Variants in NEB observed in about 807,000 individuals in gnomAD.
NEB encodes nebulin.
In NEB, 512 loss-of-function variants were observed where a neutral mutation model predicts 952.2. The observed-to-expected ratio is 0.54, with a 90% CI of 0.50 to 0.58. The LOEUF (loss-of-function observed/expected upper bound fraction) is 0.58, where lower values mean the gene tolerates loss of function less well. NEB is among the 20% of genes least tolerant of loss of function. NEB has a pLI of 0.00. For missense variants in NEB, 8,428 were observed against 9,231.1 expected (o/e 0.91, Z 3.56); for synonymous variants, 2,900 against 3,149.8 (o/e 0.92, Z 2.66).
chr2:151,647,222 T>C (rs1203882861), intron 54 of NEB, among the ~76,000 whole-genome samples: 7 of 152,152 alleles, frequency 4.6e-5, no homozygotes, highest in Admixed American at 3.3e-4. Context: ...GCAATTCTCC[T>C]GCCTCAGCTT....
At chr2:151,507,077 T>C in intron 162 of NEB, 64 bp from the exon 163 acceptor site, 1 of 1,014,426 alleles carries the variant, frequency 9.9e-7, no homozygotes, top group South Asian at 1.4e-5. Flanking sequence ...TTATTTGTCC[T>C]ATATTATGTG....
At position 151,684,936 on chromosome 2, in the gene NEB, A is replaced by G; in HGVS notation, c.2677T>C (p.Tyr893His). The change falls in exon 28 of 182, where the codon TAC (tyrosine) becomes CAC (histidine). Residue 893 changes from tyrosine to histidine, a missense_variant. Coordinates refer to ENST00000397345, the MANE Select transcript of NEB (RefSeq NM_001164508.2). Reference protein sequence around the residue: ...RKDYEKSKTIYTAPLDMLQVT... With the variant: ...RKDYEKSKTIHTAPLDMLQVT... ...TGGAGCATATCAAGAGGTGCCGTGT[A>G]GATAGTTTTTGACTTTTCATAATCT... The G allele has an allele frequency of 6.2e-7, 1 of 1,612,616 alleles. No individual in the cohort carries two copies. Among genetic ancestry groups the G allele is most frequent in the Non-Finnish European group, 8.5e-7 (1 of 1,179,332 alleles).
In NEB at chr2:151,525,208, T is replaced by C. The variant is rs2085004776; in HGVS notation, c.22227A>G (p.Pro7409=). The C allele has an allele frequency of 6.2e-7, 1 of 1,614,026 alleles. No homozygotes were observed. Residue 7409 remains proline (P), a synonymous_variant, in exon 151 of 182, where the codon CCA becomes CCG. Transcript: ENST00000397345. ...GKSNYSIMLE[P]PEVKHAMEVA... is the part of the protein sequence containing the mutation. ...CTTCCATAGCATGTTTCACCTCTGG[T>C]GGCTCCAGCATGATGGAGTAGTTGG... is the stretch of plus-strand genomic sequence containing the variant.
intron 124 of NEB, 31 bp from the exon 125 acceptor site, chr2:151,555,075 G>A: frequency 2.2e-6 from 3 of 1,393,576 alleles, no homozygotes; most frequent in South Asian, 2.3e-5. Flanking sequence ...GGAAGAAACA[G>A]TTTTAGAGAG....
rs1349959564 is a variant in NEB at position 151,680,041 on chromosome 2, C to T, written c.3043-19G>A. The stretch of plus-strand genomic sequence containing the variant: ...AAGCGATCTGAAAGAGAAAAAAATG[C>T]ATAAACAAACAAATAAAGTAGAAAG... On this transcript the variant is annotated intron_variant, in intron 30 of 181. Coordinates refer to ENST00000397345, the MANE Select transcript of NEB (RefSeq NM_001164508.2). The T allele has an allele frequency of 2.0e-5, 30 of 1,508,642 alleles. No homozygotes were observed. The highest frequency in any genetic ancestry group is 1.8e-5 in the Non-Finnish European group (20 of 1,084,920). The allele number at this position is 1,508,642 out of a possible 1,614,324, so 93.5% of individuals were successfully genotyped here.
At position 151,627,573 on chromosome 2, in the gene NEB, C is replaced by A; in HGVS notation, c.10093G>T (p.Asp3365Tyr). 1 of 1,614,006 alleles carries A rather than the reference C, an allele frequency of 6.2e-7. No homozygotes were observed. The highest frequency in any genetic ancestry group is 8.5e-7 in the Non-Finnish European group (1 of 1,179,886). ...NYLHEWTCLP[D>Y]QNDVIHARQA... is the part of the protein sequence containing the mutation. ...CGAGCATGGATGACATCATTCTGGT[C>A]GGGCAGGCACGTCCACTCGTGCAGG... Residue 3365 changes from aspartate to tyrosine, a missense_variant, in exon 69 of 182, where the codon GAC (aspartate) becomes TAC (tyrosine). Asp to Tyr is a radical substitution (Grantham distance 160, BLOSUM62 -3). This residue lies in a region of NEB where 1,772 missense variants were observed against 1,960.3 expected (regional missense o/e 0.90). Transcript: ENST00000397345.
In NEB at chr2:151,648,043, GAGAA is replaced by G. The variant is rs1432549738; in HGVS notation, c.7432-1813_7432-1810del. The stretch of plus-strand genomic sequence containing the variant: ...TATAGATATATAGATATAGATCTGA[GAGAA>G]AGAAAGGGAGAAAAAGAGACAAAAA... On this transcript the variant is annotated intron_variant, in intron 54 of 181. Coordinates refer to ENST00000397345, the MANE Select transcript of NEB (RefSeq NM_001164508.2). Among the ~76,000 whole-genome samples, 11 of 152,246 alleles carry G rather than the reference GAGAA, an allele frequency of 7.2e-5. No homozygotes were observed. In the South Asian group the frequency reaches 1.7e-3, roughly 23 times the overall value.
intron 24 of NEB, 114 bp from the exon 25 acceptor site, chr2:151,688,510 C>T (rs987596030): frequency 1.3e-6 from 1 of 761,800 alleles, no homozygotes; most frequent in Non-Finnish European, 2.3e-6. Flanking sequence ...CAAAGAGATA[C>T]TCAATTCAGT....
intron 167 of NEB, among the ~76,000 whole-genome samples, chr2:151,501,854 G>A (rs2064869337): frequency 6.6e-6 from 1 of 152,108 alleles, no homozygotes; most frequent in Non-Finnish European, 1.5e-5. Context: ...AGACAGGTAG[G>A]TTTGGGGGAA....
rs1392774546 is a variant in NEB at position 151,553,950 on chromosome 2, C to T, written c.19504G>A (p.Ala6502Thr). ...IVPDMVEMVT[A>T]KDSQKKVSEI... ...CTGACTTTCTTCTGGGAATCCTTGG[C>T]AGTAACCATCTCTACCATGTCGGGC... Residue 6502 changes from alanine to threonine, a missense_variant, in exon 126 of 182, where the codon GCC becomes ACC. By Grantham distance (58) the Ala-to-Thr change is moderately conservative (BLOSUM62 0). Coordinates refer to ENST00000397345, the MANE Select transcript of NEB (RefSeq NM_001164508.2). 2 of 1,613,752 alleles carry T rather than the reference C, an allele frequency of 1.2e-6. No individual in the cohort carries two copies. Among genetic ancestry groups the T allele is most frequent in the Admixed American group, 1.7e-5 (1 of 60,002 alleles).
At chr2:151,576,517 T>TATATATATATATATA (rs1491118589) in intron 105 of NEB, among the ~76,000 whole-genome samples, 163 bp from the exon 106 acceptor site, 2 of 16,648 alleles carry the variant, frequency 1.2e-4, no homozygotes, top group African/African-American at 2.4e-4. Context: ...TATATATATA[T>TATATATATATATATA]TTTTTTTTTT....
chr2:151,610,731 A>C, intron 79 of NEB, 31 bp downstream of exon 79: 1 of 1,590,736 alleles, frequency 6.3e-7, no homozygotes, highest in South Asian at 1.1e-5. Flanking sequence ...AATTAATCTT[A>C]GGTTTAAGCA....
chr2:151,620,796 C>T (rs2098400266), intron 72 of NEB, 123 bp downstream of exon 72: 2 of 671,852 alleles, frequency 3.0e-6, no homozygotes, highest in Non-Finnish European at 4.9e-6. Flanking sequence ...TGTATCTCAA[C>T]CCTCAGTATA....
chr2:151,675,323 A>G lies in NEB; in HGVS notation c.3843T>C (p.Phe1281=). 3 of 1,595,910 alleles carry G rather than the reference A, an allele frequency of 1.9e-6. No homozygotes were observed. In the South Asian group the frequency reaches 3.4e-5, roughly 18 times the overall value. The change falls in exon 35 of 182, where the codon TTT becomes TTC. Residue 1281 remains phenylalanine, a synonymous_variant. Coordinates refer to ENST00000397345, the MANE Select transcript of NEB (RefSeq NM_001164508.2). ...KYTMSPDLPQ[F]LQAKCNAYNI... ...TGTAAGCATTGCACTTGGCCTGGAG[A>G]AACTGAGGAAGATCAGGACTCATGG...
chr2:151,525,973 G>A lies in NEB; in HGVS notation c.22146C>T (p.Thr7382=). The change falls in exon 150 of 182, where the codon ACC becomes ACT. Residue 7382 remains threonine, a synonymous_variant. Transcript: ENST00000397345. ...TRDTVHVKEV[T]KHVSDTNYKK... is the part of the protein sequence containing the mutation. ...GATCACTTACATCACTGACATGCTT[G>A]GTCACTTCCTTGACGTGAACAGTGT... 1 of 1,613,616 alleles carries A rather than the reference G, an allele frequency of 6.2e-7. No individual in the cohort carries two copies. Among genetic ancestry groups the A allele is most frequent in the Non-Finnish European group, 8.5e-7 (1 of 1,179,542 alleles).
intron 17 of NEB, 104 bp downstream of exon 17, chr2:151,696,533 A>T (rs1395375134): frequency 1.2e-6 from 1 of 850,544 alleles, no homozygotes; most frequent in Admixed American, 2.1e-5. Context: ...GCTAATACTT[A>T]CTTAGCCTTT....
At chr2:151,514,242 C>T in intron 159 of NEB, 76 bp downstream of exon 159, 3 of 1,030,742 alleles carry the variant, frequency 2.9e-6, no homozygotes, top group Admixed American at 2.0e-5. Context: ...TTTTGTTTTG[C>T]TTTTTCTGGT....
In NEB at chr2:151,611,707, T is replaced by C. The variant is rs540861644; in HGVS notation, c.11805+479A>G. 5.3e-5 allele frequency among the ~76,000 whole-genome samples: 8 copies of C among 152,324 alleles called. No homozygotes were observed. The East Asian group carries it at 1.5e-3, about 29-fold the overall frequency. On this transcript the variant is annotated intron_variant, in intron 78 of 181. Coordinates refer to ENST00000397345, the MANE Select transcript of NEB (RefSeq NM_001164508.2). ...CTGAAAGCAGAGATTGCAGCTAGCT[T>C]TCAAAAGTGGATTTCCATAACCTAA...
intron 130 of NEB, among the ~76,000 whole-genome samples, 197 bp downstream of exon 130, chr2:151,549,439 C>G (rs2095106226): frequency 6.6e-6 from 1 of 152,236 alleles, no homozygotes. Flanking sequence ...TGGGGCTACC[C>G]AGGCACTGCT....
Sources: allele counts gnomAD v4.1 joint callset (sites outside exome capture counted in the v4.1 genomes callset), GRCh38; gene constraint gnomAD v4.1.1; regional missense constraint gnomAD v4.1.1; transcripts MANE v1.5; gene names NCBI Gene and HGNC (gene_info 2026-07-23, HGNC 2026-07-21).